The following AUTS2 variants were observed in gnomAD, a reference collection of about 807,000 sequenced individuals.
AUTS2 encodes activator of transcription and developmental regulator AUTS2.
A neutral mutation model predicts 112.4 loss-of-function variants in AUTS2; 17 were observed. The ratio of observed to expected loss-of-function variants is 0.15; its 90% confidence interval spans 0.10 to 0.23. The LOEUF (loss-of-function observed/expected upper bound fraction) is 0.23, where lower values mean the gene tolerates loss of function less well. Ranked by LOEUF, AUTS2 falls within the 10% of genes least tolerant of loss-of-function variation. The pLI is 1.00. For missense variants in AUTS2, 1,510 were observed against 1,701.6 expected (o/e 0.89, Z 1.98); for synonymous variants, 751 against 702.7 (o/e 1.07, Z -1.09).
intron 2 of AUTS2, among the ~76,000 whole-genome samples, chr7:70,076,917 G>T (rs1021338860): frequency 6.6e-6 from 1 of 152,196 alleles, no homozygotes; most frequent in African/African-American, 2.4e-5. Flanking sequence ...CCAGGTGGTT[G>T]AAGGGACTCA....
intron 2 of AUTS2, among the ~76,000 whole-genome samples, chr7:69,980,309 A>T (rs1798243778): frequency 6.6e-6 from 1 of 152,168 alleles, no homozygotes; most frequent in Non-Finnish European, 1.5e-5. Flanking sequence ...GCACTTAAAG[A>T]GTAAGTGGGA....
chr7:69,910,900 A>G (rs1795327339), intron 2 of AUTS2, among the ~76,000 whole-genome samples: 1 of 152,208 alleles, frequency 6.6e-6, no homozygotes. Flanking sequence ...TGCTGGGATT[A>G]CAGGCGTGAG....
chr7:70,496,519 C>G (rs1436162074), intron 5 of AUTS2, among the ~76,000 whole-genome samples: 1 of 132,714 alleles, frequency 7.5e-6, no homozygotes, highest in Admixed American at 7.6e-5. Context: ...GTCGATCACA[C>G]ACCCCACTCA....
chr7:70,692,956 CGGTGGCACTG>C (rs1350240228), intron 5 of AUTS2, among the ~76,000 whole-genome samples: 1 of 152,186 alleles, frequency 6.6e-6, no homozygotes, highest in Non-Finnish European at 1.5e-5. Flanking sequence ...CTCCAGGTAA[CGGTGGCACTG>C]GGAGGGGACT....
chr7:69,668,186 A>G (rs955765508), intron 1 of AUTS2, among the ~76,000 whole-genome samples: 2 of 152,166 alleles, frequency 1.3e-5, no homozygotes, highest in Admixed American at 6.5e-5. Flanking sequence ...CTTGGTGATT[A>G]TAGTTTGACT....
At chr7:70,787,874 C>T (rs1791618377) in intron 18 of AUTS2, among the ~76,000 whole-genome samples, 1 of 152,078 alleles carries the variant, frequency 6.6e-6, no homozygotes, top group Non-Finnish European at 1.5e-5. Context: ...TTTGCATTGC[C>T]TCATCATATT....
rs377378541 is a variant in AUTS2, at chr7:69,747,784, G to T, written c.309+147822G>T. ...TGTGACAGACAGAGAGAAGGAGAGG[G>T]GTGTGTGTGTGTGTGTGTGTGTGTG... On this transcript the variant is annotated intron_variant, in intron 1 of 18. Coordinates refer to ENST00000342771, the MANE Select transcript of AUTS2 (RefSeq NM_015570.4). Among the ~76,000 whole-genome samples the T allele has an allele frequency of 1.8e-3, 262 of 144,604 alleles. 1 individual carries two copies. Among genetic ancestry groups the T allele is most frequent in the African/African-American group, 6.0e-3 (231 of 38,732 alleles). 94.9% of individuals were successfully genotyped at this position (144,604 alleles called of 152,430 possible).
At chr7:70,616,375 C>A (rs973595213) in intron 5 of AUTS2, among the ~76,000 whole-genome samples, 1 of 152,160 alleles carries the variant, frequency 6.6e-6, no homozygotes, top group Non-Finnish European at 1.5e-5. Context: ...GGATCTAAGC[C>A]CAAGTGCCAG....
At chr7:69,964,278 C>T (rs1027570894) in intron 2 of AUTS2, among the ~76,000 whole-genome samples, 2 of 152,198 alleles carry the variant, frequency 1.3e-5, no homozygotes, top group Non-Finnish European at 2.9e-5. Context: ...CCGGGCTTTA[C>T]TTCTTTTATC....
chr7:70,474,165 G>A (rs1797495901), intron 5 of AUTS2, among the ~76,000 whole-genome samples: 1 of 152,218 alleles, frequency 6.6e-6, no homozygotes, highest in Admixed American at 6.5e-5. Flanking sequence ...CCAGAGAACA[G>A]GTTGGAGCAT....
chr7:70,062,314 T>C (rs1004838727), intron 2 of AUTS2, among the ~76,000 whole-genome samples: 2 of 151,608 alleles, frequency 1.3e-5, no homozygotes, highest in African/African-American at 4.8e-5. Flanking sequence ...ATCAAGAACA[T>C]CCTGGCCAAC....
At chr7:70,487,153 G>A (rs1037479847) in intron 5 of AUTS2, among the ~76,000 whole-genome samples, 1 of 152,088 alleles carries the variant, frequency 6.6e-6, no homozygotes, top group African/African-American at 2.4e-5. Context: ...CCAGCATGTT[G>A]TGAAATGTTC....
At position 70,485,850 on chromosome 7, in the gene AUTS2, T is replaced by C. The variant is rs977871029; in HGVS notation, c.690+50069T>C. Among the ~76,000 whole-genome samples, 8 of 152,142 alleles carry C rather than the reference T, an allele frequency of 5.3e-5. No homozygotes were observed. The East Asian group carries it at 1.4e-3, about 26-fold the overall frequency. ...CTGGCACCTGGATCGCCATGCAGGG[T>C]GCAGCTGTGGCCAGCTCTTCCTCCA... On this transcript the variant is annotated intron_variant, in intron 5 of 18. Coordinates refer to ENST00000342771, the MANE Select transcript of AUTS2 (RefSeq NM_015570.4).
intron 4 of AUTS2, among the ~76,000 whole-genome samples, chr7:70,268,016 G>A (rs1004962642): frequency 1.3e-5 from 2 of 152,136 alleles, no homozygotes; most frequent in Non-Finnish European, 2.9e-5. Context: ...ATTAGGTGAT[G>A]TGCTCCCATA....
chr7:70,064,828 T>A (rs1370290782), intron 2 of AUTS2, among the ~76,000 whole-genome samples: 2 of 152,176 alleles, frequency 1.3e-5, no homozygotes, highest in South Asian at 4.1e-4. Context: ...CAATGTGAAC[T>A]TCAGTCGTTT....
At chr7:70,547,273 G>A (rs1016503661) in intron 5 of AUTS2, among the ~76,000 whole-genome samples, 22 of 152,076 alleles carry the variant, frequency 1.4e-4, no homozygotes, top group Admixed American at 1.4e-3. Flanking sequence ...TTTGTTTTGG[G>A]AGACTGAGTC....
intron 4 of AUTS2, among the ~76,000 whole-genome samples, chr7:70,302,274 A>G (rs961210274): frequency 6.6e-6 from 1 of 152,046 alleles, no homozygotes; most frequent in East Asian, 1.9e-4. Flanking sequence ...AAAAGTGGGC[A>G]TGGTGGTGCA....
intron 1 of AUTS2, among the ~76,000 whole-genome samples, chr7:69,647,963 C>T (rs7810982): frequency 0.097 from 14,788 of 152,190 alleles, 1,131 homozygotes; most frequent in African/African-American, 0.21. Context: ...TGGCCATCTT[C>T]TGGTAAGGAC....
intron 1 of AUTS2, among the ~76,000 whole-genome samples, chr7:69,814,864 T>C (rs1042873599): frequency 6.6e-6 from 1 of 152,258 alleles, no homozygotes; most frequent in Non-Finnish European, 1.5e-5. Context: ...GACAGTGTTG[T>C]GGCCAACAGA....
Sources: allele counts gnomAD v4.1 joint callset (sites outside exome capture counted in the v4.1 genomes callset), GRCh38; gene constraint gnomAD v4.1.1; transcripts MANE v1.5; gene names NCBI Gene and HGNC (gene_info 2026-07-23, HGNC 2026-07-21).